Variants in RYK observed in about 807,000 individuals in gnomAD.
RYK encodes the protein inactive tyrosine-protein kinase RYK.
Under a neutral mutation model 70.2 loss-of-function variants are expected in RYK, and 21 were observed. The observed-to-expected ratio is 0.30, with a 90% confidence interval of 0.21 to 0.43. The LOEUF is 0.43. Among genes scored for constraint, RYK ranks in the 20% least tolerant of loss-of-function variants. The probability of loss-of-function intolerance (pLI) is 1.00; values close to 1 mark genes in which losing one functional copy is unlikely to be tolerated. For missense variants in RYK, 604 were observed against 753.3 expected (o/e 0.80, Z 2.32); for synonymous variants, 267 against 278.0 (o/e 0.96, Z 0.39).
intron 8 of RYK, among the ~76,000 whole-genome samples, chr3:134,189,483 G>A (rs1483668765): frequency 2.0e-5 from 3 of 152,040 alleles, no homozygotes; most frequent in Non-Finnish European, 4.4e-5. Context: ...GTGAGAAGAG[G>A]CTGCGCGCGG....
intron 5 of RYK, among the ~76,000 whole-genome samples, chr3:134,204,627 A>ACACACG (rs2014149295): frequency 1.3e-5 from 2 of 151,296 alleles, no homozygotes; most frequent in Middle Eastern, 3.4e-3. Flanking sequence ...ACACACACAC[A>ACACACG]CGCAGAAGCA....
intron 1 of RYK, among the ~76,000 whole-genome samples, chr3:134,247,261 G>A (rs2015489907): frequency 1.3e-5 from 2 of 152,114 alleles, no homozygotes; most frequent in South Asian, 4.1e-4. Context: ...ATACTAGAAA[G>A]TCAAAGACTT....
chr3:134,211,956 A>G (rs1489110334), intron 2 of RYK, among the ~76,000 whole-genome samples: 1 of 152,218 alleles, frequency 6.6e-6, no homozygotes, highest in African/African-American at 2.4e-5. Context: ...TAACTGACAG[A>G]CCATAAATAG....
chr3:134,206,470 A>AC (rs36102819), intron 5 of RYK, among the ~76,000 whole-genome samples: 94,736 of 151,920 alleles, frequency 0.62, 29,870 homozygotes, highest in Middle Eastern at 0.78. Context: ...AACATATATC[A>AC]CCCAACAGTT....
At position 134,176,048 on chromosome 3, in the gene RYK, A is replaced by C; in HGVS notation, c.1306-9T>G. ...TCTTGCTGAGAAATTGCCTGTGGTA[A>C]CAAAAAATAACATGGTTTGCAAATA... On this transcript the variant is annotated splice_polypyrimidine_tract_variant and intron_variant, in intron 11 of 14. Transcript: ENST00000623711. 9.4e-6 allele frequency: 14 copies of C among 1,491,576 alleles called. No individual in the cohort carries two copies. Among genetic ancestry groups the C allele is most frequent in the Non-Finnish European group, 1.3e-5 (14 of 1,086,464 alleles). 92.4% of individuals were successfully genotyped at this position (1,491,576 alleles called of 1,614,324 possible).
intron 5 of RYK, among the ~76,000 whole-genome samples, chr3:134,206,643 G>T (rs1308725394): frequency 2.8e-5 from 4 of 141,598 alleles, no homozygotes; most frequent in Non-Finnish European, 4.8e-5. Context: ...GATTGTGGGG[G>T]TTTTTTAAAG....
chr3:134,235,127 A>G (rs1238166505), intron 1 of RYK, among the ~76,000 whole-genome samples: 1 of 152,114 alleles, frequency 6.6e-6, no homozygotes, highest in East Asian at 1.9e-4. Flanking sequence ...CAATGGTAAG[A>G]AGGCAGGGAG....
chr3:134,239,873 A>C (rs1690077553), intron 1 of RYK, among the ~76,000 whole-genome samples: 1 of 152,218 alleles, frequency 6.6e-6, no homozygotes, highest in Non-Finnish European at 1.5e-5. Context: ...TCTCTGGGGA[A>C]TTGACATTTT....
chr3:134,207,495 T>G lies in RYK; in HGVS notation c.620A>C (p.Asp207Ala). ...ACAAATAGTTCTGCTAGTGTTTTTGTCCAAGGCTGAAGTTTTTACTTCTTC... is the reference window on the plus strand; with the variant it reads ...ACAAATAGTTCTGCTAGTGTTTTTGGCCAAGGCTGAAGTTTTTACTTCTTC... ...KLEEVKTSAL[D>A]KNTSRTIYDP... is the part of the protein sequence containing the mutation. The change falls in exon 5 of 15, where the codon GAC (aspartate) becomes GCC (alanine). Residue 207 changes from aspartate (D) to alanine (A), a missense_variant. Around this residue, in one of 2 missense-constraint regions of RYK, gnomAD observed 466 missense variants for 535.9 expected, o/e 0.87. Transcript: ENST00000623711. 1 of 1,543,216 alleles carries G rather than the reference T, an allele frequency of 6.5e-7. No individual in the cohort carries two copies. Among genetic ancestry groups the G allele is most frequent in the Non-Finnish European group, 8.8e-7 (1 of 1,141,476 alleles).
At chr3:134,199,620 C>A (rs1266878915) in intron 6 of RYK, among the ~76,000 whole-genome samples, 1 of 151,986 alleles carries the variant, frequency 6.6e-6, no homozygotes, top group Non-Finnish European at 1.5e-5. Flanking sequence ...CCCAGTGGCC[C>A]CTATGCAGAG....
rs546001587 is a variant in RYK at position 134,195,407 on chromosome 3, CA to C, written c.789-226del. On this transcript the variant is annotated intron_variant, in intron 6 of 14. Transcript: ENST00000623711. ...AAATCATTAAGCGAGTTCATCTTATCAAAATTATTCAGAAATGTAGGTACTA... is the reference window on the plus strand; with the variant it reads ...AAATCATTAAGCGAGTTCATCTTATCAAATTATTCAGAAATGTAGGTACTA... 1.2e-3 allele frequency: 503 copies of C among 402,676 alleles called. 1 individual carries two copies. The highest frequency in any genetic ancestry group is 9.8e-3 in the African/African-American group (459 of 46,750). The allele number at this position is 402,676 out of a possible 1,614,324, so 24.9% of individuals were successfully genotyped here.
intron 10 of RYK, chr3:134,178,981 A>T (rs2013203468): frequency 6.6e-6 from 1 of 152,232 alleles, no homozygotes; most frequent in African/African-American, 2.4e-5. Flanking sequence ...AACAAATAAC[A>T]GTAACAAATA....
At chr3:134,211,660 C>T (rs1158580170) in intron 2 of RYK, 53 bp from the exon 3 acceptor site, 2 of 1,222,398 alleles carry the variant, frequency 1.6e-6, no homozygotes, top group Non-Finnish European at 2.4e-6. Context: ...AAGAAGGATA[C>T]TATCAGCTTG....
chr3:134,224,681 C>G (rs1299312799), intron 1 of RYK, among the ~76,000 whole-genome samples: 1 of 151,820 alleles, frequency 6.6e-6, no homozygotes, highest in Non-Finnish European at 1.5e-5. Flanking sequence ...AGACCAAGGT[C>G]TGCTAAGTAA....
intron 2 of RYK, among the ~76,000 whole-genome samples, chr3:134,219,081 T>A (rs2014652566): frequency 6.6e-6 from 1 of 152,036 alleles, no homozygotes; most frequent in African/African-American, 2.4e-5. Context: ...GCCAAAGAGG[T>A]AACTTAGAAA....
intron 1 of RYK, 26 bp downstream of exon 1, chr3:134,250,397 G>T: frequency 7.4e-7 from 1 of 1,353,364 alleles, no homozygotes; most frequent in South Asian, 1.7e-5. Flanking sequence ...CGACCTGCCC[G>T]CCCCGGCCTC....
intron 1 of RYK, among the ~76,000 whole-genome samples, chr3:134,246,683 T>A (rs1008425516): frequency 1.3e-5 from 2 of 152,206 alleles, no homozygotes; most frequent in African/African-American, 2.4e-5. Flanking sequence ...AAACCATCTA[T>A]AAAGTATGAG....
At chr3:134,249,917 G>GGTTTTTTTTTTTTTTTT (rs1172115107) in intron 1 of RYK, among the ~76,000 whole-genome samples, 1 of 93,366 alleles carries the variant, frequency 1.1e-5, no homozygotes, top group Admixed American at 1.1e-4. Context: ...TTTCTCTCTC[G>GGTTTTTTTTTTTTTTTT]TTTTTTTTTT....
rs926703830 is a variant in RYK at position 134,202,990 on chromosome 3, G to A, written c.644-116C>T. On this transcript the variant is annotated intron_variant, in intron 5 of 14. Coordinates refer to ENST00000623711, the MANE Select transcript of RYK (RefSeq NM_002958.4). ...CATGTGCCCATTCTTTGTAAGATCA[G>A]TTACCAGTAGCATATTGGTGGAAGT... is the stretch of plus-strand genomic sequence containing the variant. 9 of 770,046 alleles carry A rather than the reference G, an allele frequency of 1.2e-5. No individual in the cohort carries two copies. The South Asian group carries it at 1.8e-4, about 15-fold the overall frequency. 47.7% of individuals were successfully genotyped at this position (770,046 alleles called of 1,614,324 possible).
Sources: allele counts gnomAD v4.1 joint callset (sites outside exome capture counted in the v4.1 genomes callset), GRCh38; gene constraint gnomAD v4.1.1; regional missense constraint gnomAD v4.1.1; transcripts MANE v1.5; gene names NCBI Gene and HGNC (gene_info 2026-07-23, HGNC 2026-07-21).